The following RAB39A variants were observed in gnomAD, a reference collection of about 807,000 sequenced individuals.
RAB39A encodes the protein ras-related protein Rab-39A.
A neutral mutation model predicts 20.9 loss-of-function variants in RAB39A; 17 were observed. The observed-to-expected ratio is 0.81, with a 90% CI of 0.56 to 1.22. RAB39A has a LOEUF of 1.22. RAB39A is among the 50% of genes most tolerant of loss of function. RAB39A has a pLI of 0.00. For synonymous variants in RAB39A, 99 were observed against 103.4 expected (o/e 0.96, Z 0.26); for missense variants, 234 against 270.5 (o/e 0.87, Z 0.95).
chr11:107,948,473 G>A (rs1204666318), intron 1 of RAB39A, among the ~76,000 whole-genome samples: 1 of 152,100 alleles, frequency 6.6e-6, no homozygotes, highest in Non-Finnish European at 1.5e-5. Context: ...TTAAAGCACA[G>A]CCTTCACCCC....
In RAB39A at chr11:107,963,339, G is replaced by A. The variant is rs959120065; in HGVS notation, c.*967G>A. Reference sequence around the variant, plus strand: ...GCCCCCCTCGGCCTCCAAAGTGCTGGAATTATAGGCATGAGCTGCCGTGCC... The same window carrying A: ...GCCCCCCTCGGCCTCCAAAGTGCTGAAATTATAGGCATGAGCTGCCGTGCC... On this transcript the variant is annotated 3_prime_UTR_variant, in exon 2 of 2. Coordinates refer to ENST00000320578, the MANE Select transcript of RAB39A (RefSeq NM_017516.3). 6.6e-6 allele frequency: 1 copy of A among 152,168 alleles called. No individual in the cohort carries two copies. The highest frequency in any genetic ancestry group is 1.5e-5 in the Non-Finnish European group (1 of 68,038). The allele number at this position is 152,168 out of a possible 1,614,324, so 9.4% of individuals were successfully genotyped here. A position where few individuals can be genotyped will look rare whatever the true frequency, so the allele number is the denominator to read the frequency against.
intron 1 of RAB39A, among the ~76,000 whole-genome samples, chr11:107,959,420 C>T (rs1205479000): frequency 6.6e-6 from 1 of 152,164 alleles, no homozygotes; most frequent in Non-Finnish European, 1.5e-5. Flanking sequence ...TTAGTTATCC[C>T]TCAAAGTTAA....
intron 1 of RAB39A, among the ~76,000 whole-genome samples, chr11:107,935,800 C>T (rs1206269363): frequency 6.6e-6 from 1 of 151,440 alleles, no homozygotes; most frequent in Non-Finnish European, 1.5e-5. Context: ...AAGTCTGGGT[C>T]TGTTTAGTAA....
At chr11:107,949,862 G>A (rs1300535617) in intron 1 of RAB39A, among the ~76,000 whole-genome samples, 1 of 152,082 alleles carries the variant, frequency 6.6e-6, no homozygotes, top group Non-Finnish European at 1.5e-5. Context: ...TTTAAATGCA[G>A]TAGTTCTTTA....
At chr11:107,949,296 G>A (rs770007598) in intron 1 of RAB39A, among the ~76,000 whole-genome samples, 7 of 151,918 alleles carry the variant, frequency 4.6e-5, no homozygotes, top group Non-Finnish European at 1.0e-4. Flanking sequence ...GTGACAGAAC[G>A]AGACTCCATC....
At chr11:107,947,981 T>TACACAC (rs58579239) in intron 1 of RAB39A, among the ~76,000 whole-genome samples, 3,314 of 148,732 alleles carry the variant, frequency 0.022, 49 homozygotes, top group South Asian at 0.049. Context: ...TACACACACG[T>TACACAC]ACACACACAC....
intron 1 of RAB39A, among the ~76,000 whole-genome samples, chr11:107,944,746 A>G (rs918439971): frequency 1.3e-5 from 2 of 152,218 alleles, no homozygotes; most frequent in African/African-American, 4.8e-5. Flanking sequence ...AGTTTCAGTG[A>G]CAGAACAGGA....
At chr11:107,933,679 CTT>C (rs376223086) in intron 1 of RAB39A, among the ~76,000 whole-genome samples, 4 of 137,930 alleles carry the variant, frequency 2.9e-5, no homozygotes, top group Non-Finnish European at 1.6e-5. Flanking sequence ...ACCTGTGATT[CTT>C]TTTTTTTTTT....
chr11:107,947,625 T>C (rs1047372793), intron 1 of RAB39A, among the ~76,000 whole-genome samples: 2 of 151,442 alleles, frequency 1.3e-5, no homozygotes. Flanking sequence ...CATTATGAAA[T>C]TTCGGAGCAC....
chr11:107,949,273 G>A (rs1023612650), intron 1 of RAB39A, among the ~76,000 whole-genome samples: 4 of 151,954 alleles, frequency 2.6e-5, no homozygotes, highest in Non-Finnish European at 4.4e-5. Flanking sequence ...TTGCGCCACT[G>A]TACTCCAGCC....
At chr11:107,931,672 A>G (rs1448246786) in intron 1 of RAB39A, among the ~76,000 whole-genome samples, 1 of 152,184 alleles carries the variant, frequency 6.6e-6, no homozygotes, top group Non-Finnish European at 1.5e-5. Context: ...GTCATTAGTC[A>G]TAATCATATC....
intron 1 of RAB39A, among the ~76,000 whole-genome samples, chr11:107,941,333 G>A (rs1861256700): frequency 1.3e-5 from 2 of 152,026 alleles, no homozygotes; most frequent in Non-Finnish European, 2.9e-5. Flanking sequence ...ACATACTTTA[G>A]GAACTGATAC....
chr11:107,951,456 C>T (rs566933852), intron 1 of RAB39A, among the ~76,000 whole-genome samples: 1 of 152,214 alleles, frequency 6.6e-6, no homozygotes, highest in South Asian at 2.1e-4. Flanking sequence ...GTTGGCAAAG[C>T]CACAAGAAGG....
At position 107,962,080 on chromosome 11, in the gene RAB39A, T is replaced by C. The variant is rs1164917443; in HGVS notation, c.362T>C (p.Val121Ala). The C allele has an allele frequency of 6.2e-7, 1 of 1,614,178 alleles. No individual in the cohort carries two copies. The highest frequency in any genetic ancestry group is 2.2e-5 in the East Asian group (1 of 44,872). ...AKMYVQPFRI[V>A]FLLVGHKCDL... is the part of the protein sequence containing the mutation. ...ATGTATGTACAGCCATTTCGGATTG[T>C]ATTTCTGCTAGTGGGACATAAATGT... Residue 121 changes from valine (V) to alanine (A), a missense_variant, in exon 2 of 2, where the codon GTA becomes GCA. Val to Ala is a moderately conservative substitution (Grantham distance 64). Coordinates refer to ENST00000320578, the MANE Select transcript of RAB39A (RefSeq NM_017516.3).
intron 1 of RAB39A, among the ~76,000 whole-genome samples, chr11:107,936,157 C>A (rs1327248944): frequency 1.3e-5 from 2 of 152,154 alleles, no homozygotes; most frequent in African/African-American, 4.8e-5. Flanking sequence ...ACCTCGGCCT[C>A]CCAAAGTGGT....
chr11:107,951,360 C>G (rs912472452), intron 1 of RAB39A, among the ~76,000 whole-genome samples: 2 of 152,118 alleles, frequency 1.3e-5, no homozygotes, highest in African/African-American at 4.8e-5. Flanking sequence ...AAACAGGCAC[C>G]CACAAGGCTA....
At chr11:107,930,115 T>G (rs1861121216) in intron 1 of RAB39A, among the ~76,000 whole-genome samples, 1 of 152,214 alleles carries the variant, frequency 6.6e-6, no homozygotes, top group South Asian at 2.1e-4. Context: ...CTTAGCTTGC[T>G]TATACCTTAG....
rs376331697 is a variant in RAB39A at position 107,933,377 on chromosome 11, C to T, written c.227+4582C>T. On this transcript the variant is annotated intron_variant, in intron 1 of 1. Coordinates refer to ENST00000320578, the MANE Select transcript of RAB39A (RefSeq NM_017516.3). Reference sequence around the variant, plus strand: ...TTTCTTTCCTTCTTTTTTATTCTTTCTTTTTTTTTTTTTTTTTTTTTGAGT... The same window carrying T: ...TTTCTTTCCTTCTTTTTTATTCTTTTTTTTTTTTTTTTTTTTTTTTTGAGT... 3.7e-3 allele frequency among the ~76,000 whole-genome samples: 267 copies of T among 73,010 alleles called. 1 individual carries two copies. The highest frequency in any genetic ancestry group is 0.013 in the African/African-American group (200 of 15,842). 47.9% of individuals were successfully genotyped at this position (73,010 alleles called of 152,430 possible).
At chr11:107,946,323 TATACACAC>T (rs1861307829) in intron 1 of RAB39A, among the ~76,000 whole-genome samples, 1 of 124,678 alleles carries the variant, frequency 8.0e-6, no homozygotes, top group South Asian at 2.5e-4. Context: ...TATATATATA[TATACACAC>T]ACACACACAC....
Sources: allele counts gnomAD v4.1 joint callset (sites outside exome capture counted in the v4.1 genomes callset), GRCh38; gene constraint gnomAD v4.1.1; transcripts MANE v1.5; gene names NCBI Gene and HGNC (gene_info 2026-07-23, HGNC 2026-07-21).